COL12A1: variants seen among roughly 807,000 people sequenced by gnomAD.
The protein encoded by COL12A1 is collagen type XII alpha 1 chain, also known as collagen alpha-1(XII) chain.
A neutral mutation model predicts 349.7 loss-of-function variants in COL12A1; 114 were observed. The observed-to-expected ratio is 0.33, with a 90% CI of 0.28 to 0.38. COL12A1 has a LOEUF of 0.38. COL12A1 is among the 10% of genes least tolerant of loss of function. COL12A1 has a pLI of 1.00. For missense variants in COL12A1, 3,284 were observed against 3,756.9 expected, an observed-to-expected ratio of 0.87 and a Z score of 3.29; for synonymous variants, 1,369 against 1,329.0, an observed-to-expected ratio of 1.03 and a Z score of -0.66.
At position 75,084,807 on chromosome 6, in the gene COL12A1, GA is replaced by G; in HGVS notation, c.*1739del. 1 of 155,948 alleles carries G rather than the reference GA, an allele frequency of 6.4e-6. No individual in the cohort carries two copies. The allele number at this position is 155,948 out of a possible 1,614,324, so 9.7% of individuals were successfully genotyped here. Reference sequence around the variant, plus strand: ...ATTTGAATCGTGGTGTAATTGAATTGAAAATAAGTATAGCAAAAGATAAACT... The same window carrying G: ...ATTTGAATCGTGGTGTAATTGAATTGAAATAAGTATAGCAAAAGATAAACT... On this transcript the variant is annotated 3_prime_UTR_variant, in exon 66 of 66. Coordinates refer to ENST00000322507, the MANE Select transcript of COL12A1 (RefSeq NM_004370.6).
At chr6:75,086,620 A>G in intron 65 of COL12A1, 63 bp from the exon 66 acceptor site, 1 of 1,272,112 alleles carries the variant, frequency 7.9e-7, no homozygotes, top group Non-Finnish European at 1.1e-6. Flanking sequence ...ATATAAATAC[A>G]CATCCATCTA....
chr6:75,175,448 AC>A, intron 12 of COL12A1, 138 bp from the exon 13 acceptor site: 1 of 997,654 alleles, frequency 1.0e-6, no homozygotes, highest in Non-Finnish European at 1.4e-6. Context: ...TTAACTGTTG[AC>A]CAGCCAACAA....
intron 11 of COL12A1, among the ~76,000 whole-genome samples, chr6:75,178,482 G>T (rs2149457970): frequency 6.6e-6 from 1 of 152,212 alleles, no homozygotes. Context: ...GCACAGAATA[G>T]GTACTTAATG....
intron 14 of COL12A1, among the ~76,000 whole-genome samples, chr6:75,158,731 C>T (rs796628324): frequency 6.6e-6 from 1 of 151,310 alleles, no homozygotes; most frequent in African/African-American, 2.4e-5. Flanking sequence ...AAAGATAAAT[C>T]TAAAATGAAA....
intron 31 of COL12A1, among the ~76,000 whole-genome samples, chr6:75,135,367 T>C (rs1435473182): frequency 6.6e-6 from 1 of 152,196 alleles, no homozygotes; most frequent in Admixed American, 6.5e-5. Flanking sequence ...CTAACAGCCT[T>C]AGCTGTGTTA....
chr6:75,161,688 T>C (rs550050704), intron 14 of COL12A1, among the ~76,000 whole-genome samples: 1 of 152,300 alleles, frequency 6.6e-6, no homozygotes, highest in East Asian at 1.9e-4. Context: ...ATAAAGGGCA[T>C]TCAATTAGGA....
intron 51 of COL12A1, among the ~76,000 whole-genome samples, chr6:75,112,345 C>G (rs1289369760): frequency 3.3e-5 from 5 of 151,800 alleles, no homozygotes; most frequent in African/African-American, 1.2e-4. Context: ...ACCTGCACAT[C>G]TTGCACACAT....
chr6:75,171,032 C>T (rs932389389), intron 13 of COL12A1, among the ~76,000 whole-genome samples: 2 of 152,204 alleles, frequency 1.3e-5, no homozygotes, highest in African/African-American at 4.8e-5. Flanking sequence ...AATTGAAATT[C>T]TCCTTCATTT....
chr6:75,094,795 A>T (rs1444314596), intron 60 of COL12A1, among the ~76,000 whole-genome samples: 1 of 152,154 alleles, frequency 6.6e-6, no homozygotes, highest in African/African-American at 2.4e-5. Flanking sequence ...TACCACTCCT[A>T]AGTAAAAAGA....
chr6:75,115,663 G>A, intron 49 of COL12A1, 121 bp downstream of exon 49: 1 of 1,255,580 alleles, frequency 8.0e-7, no homozygotes, highest in South Asian at 1.5e-5. Flanking sequence ...AAACCAATCA[G>A]GGTCATCCAT....
In COL12A1 at chr6:75,105,465, T is replaced by C. The variant is rs566173182; in HGVS notation, c.8179-173A>G. ...CTTGCTGTGCTCCTTTATGTCTTTA[T>C]TTTATGCATTACGTTAGGAAACCTC... On this transcript the variant is annotated intron_variant, in intron 53 of 65. Transcript: ENST00000322507. 7.8e-4 allele frequency among the ~76,000 whole-genome samples: 119 copies of C among 152,294 alleles called. 1 individual carries two copies. Among genetic ancestry groups the C allele is most frequent in the Non-Finnish European group, 1.5e-3 (101 of 68,022 alleles).
intron 58 of COL12A1, among the ~76,000 whole-genome samples, chr6:75,100,346 C>T (rs1273137614): frequency 1.3e-5 from 2 of 152,158 alleles, no homozygotes; most frequent in Admixed American, 1.3e-4. Context: ...GGAAACAAGG[C>T]TTCGGTCGTA....
At chr6:75,187,192 A>G (rs1769672286) in intron 8 of COL12A1, among the ~76,000 whole-genome samples, 1 of 150,464 alleles carries the variant, frequency 6.6e-6, no homozygotes, top group Admixed American at 6.6e-5. Flanking sequence ...AATGATGTTT[A>G]AGTAGAAAAT....
intron 8 of COL12A1, among the ~76,000 whole-genome samples, chr6:75,187,025 G>A (rs1249467189): frequency 1.3e-5 from 2 of 151,720 alleles, no homozygotes; most frequent in Non-Finnish European, 2.9e-5. Flanking sequence ...TGGGTACTAG[G>A]CTTACTACCT....
At chr6:75,176,412 T>G (rs1298384229) in intron 12 of COL12A1, among the ~76,000 whole-genome samples, 2 of 118,096 alleles carry the variant, frequency 1.7e-5, no homozygotes, top group African/African-American at 3.4e-5. Flanking sequence ...AGTGATGCAG[T>G]GGGAGGAGGG....
chr6:75,162,607 G>T (rs150274043), intron 14 of COL12A1, among the ~76,000 whole-genome samples: 2 of 151,996 alleles, frequency 1.3e-5, no homozygotes, highest in African/African-American at 4.8e-5. Flanking sequence ...ATGGGCAAAG[G>T]CTTCATGACT....
rs773280231 is a variant in COL12A1 at position 75,125,146 on chromosome 6, C to T, written c.6588G>A (p.Leu2196=). 6.2e-7 allele frequency: 1 copy of T among 1,610,346 alleles called. No individual in the cohort carries two copies. Among genetic ancestry groups the T allele is most frequent in the Non-Finnish European group, 8.5e-7 (1 of 1,178,170 alleles). Residue 2196 remains leucine, a synonymous_variant, in exon 40 of 66, where the codon TTG becomes TTA. Coordinates refer to ENST00000322507, the MANE Select transcript of COL12A1 (RefSeq NM_004370.6). ...ACTCACATGTAGTGCCTTGATCTGT[C>T]AAGGGGACACTGAGTCCAGAATCAT... ...AQYDSGLSVP[L]TDQGTTLYLN... is the part of the protein sequence containing the mutation.
intron 64 of COL12A1, 100 bp downstream of exon 64, chr6:75,089,001 AAAAAC>A: frequency 2.5e-6 from 2 of 802,832 alleles, no homozygotes; most frequent in Admixed American, 3.0e-5. Context: ...ACTCCGTCTC[AAAAAC>A]AAAAAAAAGA....
intron 1 of COL12A1, among the ~76,000 whole-genome samples, chr6:75,204,774 A>G (rs1770696556): frequency 6.6e-6 from 1 of 152,100 alleles, no homozygotes; most frequent in Non-Finnish European, 1.5e-5. Context: ...GTCCAGTTAA[A>G]AAGAAAATCA....
Sources: allele counts gnomAD v4.1 joint callset (sites outside exome capture counted in the v4.1 genomes callset), GRCh38; gene constraint gnomAD v4.1.1; transcripts MANE v1.5; gene names NCBI Gene and HGNC (gene_info 2026-07-23, HGNC 2026-07-21).